The following UBE2L3 variants were observed in gnomAD, a reference collection of about 807,000 sequenced individuals.
The protein encoded by UBE2L3 is ubiquitin conjugating enzyme E2 L3, also known as ubiquitin-conjugating enzyme E2 L3.
UBE2L3 carries 1 observed loss-of-function variant against 17.8 expected under a neutral mutation model. The ratio of observed to expected loss-of-function variants is 0.06; its 90% CI spans 0.02 to 0.27. UBE2L3 has a LOEUF of 0.27. Ranked by LOEUF, UBE2L3 falls within the 10% of genes least tolerant of loss-of-function variation. The pLI is 1.00. For synonymous variants in UBE2L3, 44 were observed against 68.5 expected (o/e 0.64, Z 1.76); for missense variants, 40 against 192.6 (o/e 0.21, Z 4.69).
At chr22:21,604,587 A>AAT (rs1486496354) in intron 2 of UBE2L3, among the ~76,000 whole-genome samples, 1 of 152,182 alleles carries the variant, frequency 6.6e-6, no homozygotes, top group Non-Finnish European at 1.5e-5. Context: ...AATGTTTTAT[A>AAT]ATATATATAT....
At chr22:21,617,412 G>A (rs1929834014) in intron 3 of UBE2L3, among the ~76,000 whole-genome samples, 1 of 151,890 alleles carries the variant, frequency 6.6e-6, no homozygotes, top group Admixed American at 6.6e-5. Context: ...GACTACAGGC[G>A]CATGCCACCA....
chr22:21,601,276 C>T (rs982434476), intron 2 of UBE2L3, among the ~76,000 whole-genome samples: 1 of 151,958 alleles, frequency 6.6e-6, no homozygotes, highest in Non-Finnish European at 1.5e-5. Flanking sequence ...TCAGAAGTCA[C>T]AAGAACTTAA....
intron 2 of UBE2L3, among the ~76,000 whole-genome samples, chr22:21,608,244 T>C (rs954146896): frequency 4.6e-5 from 7 of 152,148 alleles, no homozygotes; most frequent in Admixed American, 4.6e-4. Flanking sequence ...CTTTCATTTA[T>C]TTATTCATAA....
At chr22:21,605,865 G>A (rs1474235679) in intron 2 of UBE2L3, among the ~76,000 whole-genome samples, 1 of 152,026 alleles carries the variant, frequency 6.6e-6, no homozygotes, top group Non-Finnish European at 1.5e-5. Flanking sequence ...GTGTAGAGGT[G>A]TGATCATGGC....
At chr22:21,566,980 C>A (rs149922741), upstream of UBE2L3, among the ~76,000 whole-genome samples, 225 of 152,174 alleles carry the variant, frequency 1.5e-3, 1 homozygote, top group African/African-American at 5.2e-3. Context: ...TTAATGCTAA[C>A]GTATCCCAGA....
At chr22:21,611,074 G>A in intron 3 of UBE2L3, 31 bp downstream of exon 3, 4 of 1,541,974 alleles carry the variant, frequency 2.6e-6, no homozygotes, top group Non-Finnish European at 3.5e-6. Context: ...TTCCTCGGAG[G>A]GGGTCTTTGG....
intron 3 of UBE2L3, among the ~76,000 whole-genome samples, chr22:21,611,523 G>C (rs1929478493): frequency 1.3e-5 from 2 of 152,236 alleles, no homozygotes; most frequent in South Asian, 4.1e-4. Context: ...GATGTGAGGG[G>C]AGGGACAGAG....
At chr22:21,584,061 G>C (rs551754880) in intron 1 of UBE2L3, among the ~76,000 whole-genome samples, 1 of 152,044 alleles carries the variant, frequency 6.6e-6, no homozygotes, top group Non-Finnish European at 1.5e-5. Context: ...TTTTAGTAGA[G>C]ACGGGGTTTC....
chr22:21,563,799 A>C (rs886565732), upstream of UBE2L3, among the ~76,000 whole-genome samples: 2 of 150,716 alleles, frequency 1.3e-5, no homozygotes, highest in African/African-American at 2.4e-5. Context: ...CTGGTCTCGA[A>C]CTCCTGACCT....
chr22:21,567,630 C>T, upstream of UBE2L3: 6 of 1,539,612 alleles, frequency 3.9e-6, no homozygotes, highest in Non-Finnish European at 5.2e-6. Flanking sequence ...GTAGGTGCTC[C>T]GCTCTGCTCC....
chr22:21,601,589 A>G (rs1003903634), intron 2 of UBE2L3, among the ~76,000 whole-genome samples: 1 of 151,902 alleles, frequency 6.6e-6, no homozygotes, highest in Admixed American at 6.6e-5. Context: ...TGCTGGGATT[A>G]TAGGTATGAG....
chr22:21,562,355 C>T (rs542034912), intron 1 of UBE2L3, among the ~76,000 whole-genome samples: 145 of 149,550 alleles, frequency 9.7e-4, no homozygotes, highest in Middle Eastern at 3.4e-3. Flanking sequence ...CCACTGCACC[C>T]GGCTAATTTT....
At chr22:21,579,632 A>T (rs150202286) in intron 1 of UBE2L3, among the ~76,000 whole-genome samples, 19 of 152,272 alleles carry the variant, frequency 1.2e-4, no homozygotes, top group Non-Finnish European at 2.6e-4. Context: ...TTAACTGGGC[A>T]TATTGGCACA....
intron 3 of UBE2L3, 144 bp downstream of exon 3, chr22:21,611,187 G>A: frequency 1.0e-6 from 1 of 992,686 alleles, no homozygotes; most frequent in Non-Finnish European, 1.5e-6. Context: ...CAGACCTTGT[G>A]GGAATGGCTC....
chr22:21,575,273 A>G (rs955019344), intron 1 of UBE2L3, among the ~76,000 whole-genome samples: 3 of 150,354 alleles, frequency 2.0e-5, no homozygotes, highest in Admixed American at 6.6e-5. Context: ...AAAAAAAAAA[A>G]AAAAGAAAAG....
At chr22:21,612,560 C>T (rs1360543089) in intron 3 of UBE2L3, among the ~76,000 whole-genome samples, 4 of 147,170 alleles carry the variant, frequency 2.7e-5, no homozygotes, top group East Asian at 3.9e-4. Flanking sequence ...CTCCTGACCT[C>T]GTGATCCGCC....
chr22:21,556,422 A>T (rs1425911199), intron 1 of UBE2L3, among the ~76,000 whole-genome samples: 5 of 152,256 alleles, frequency 3.3e-5, no homozygotes, highest in African/African-American at 1.2e-4. Flanking sequence ...AATAAATTTT[A>T]AAATTGTTTT....
upstream of UBE2L3, among the ~76,000 whole-genome samples, chr22:21,563,911 G>T (rs1926542309): frequency 6.6e-6 from 1 of 151,904 alleles, no homozygotes; most frequent in East Asian, 1.9e-4. Flanking sequence ...TTTCTATGTT[G>T]CCCAGGCCGG....
chr22:21,562,199 T>C (rs868435477), intron 1 of UBE2L3, among the ~76,000 whole-genome samples: 17 of 140,076 alleles, frequency 1.2e-4, no homozygotes, highest in African/African-American at 4.3e-4. Flanking sequence ...TTTTTTTTTC[T>C]TTTTTTTTTT....
Sources: gnomAD v4.1 joint callset for allele counts (sites outside exome capture counted in the v4.1 genomes callset) on GRCh38, gnomAD v4.1.1 for gene constraint, MANE v1.5 for transcripts, NCBI Gene and HGNC (gene_info 2026-07-23, HGNC 2026-07-21) for gene names.